POLR1E: variants seen among roughly 807,000 people sequenced by gnomAD.
POLR1E encodes the protein RNA polymerase I subunit E, also known as DNA-directed RNA polymerase I subunit RPA49.
POLR1E carries 37 observed loss-of-function variants against 50.9 expected under a neutral mutation model. That is an observed-to-expected ratio of 0.73 (90% CI 0.56 to 0.96). The LOEUF is 0.96. POLR1E is among the 40% of genes least tolerant of loss of function. The probability of loss-of-function intolerance (pLI) is 0.00; values close to 1 mark genes in which losing one functional copy is unlikely to be tolerated. For missense variants in POLR1E, 426 were observed against 518.1 expected (o/e 0.82, Z 1.73); for synonymous variants, 166 against 191.6 (o/e 0.87, Z 1.10).
In POLR1E at chr9:37,495,972, G is replaced by A. The variant is rs1471079743; in HGVS notation, c.738G>A (p.Met246Ile). 1 of 1,613,548 alleles carries A rather than the reference G, an allele frequency of 6.2e-7. No homozygotes were observed. The change falls in exon 8 of 12, where the codon ATG becomes ATA. Residue 246 changes from methionine to isoleucine, a missense_variant. Coordinates refer to ENST00000377798, the MANE Select transcript of POLR1E (RefSeq NM_022490.4). ...TCACGTCAGAAGAAATACTGAAGAT[G>A]ATTGAGGAGAACAGGTACCCTGACT... ...RNVTSEEILKMIEENSHCTFV... is the reference protein window; with the variant it reads ...RNVTSEEILKIIEENSHCTFV...
chr9:37,500,728 C>A, intron 9 of POLR1E, 112 bp from the exon 10 acceptor site: 2 of 746,220 alleles, frequency 2.7e-6, no homozygotes, highest in South Asian at 1.7e-5. Context: ...CTCTTACCAC[C>A]TGGTTCTGGT....
chr9:37,486,234 C>G, intron 1 of POLR1E, 111 bp downstream of exon 1: 1 of 1,372,072 alleles, frequency 7.3e-7, no homozygotes, highest in Non-Finnish European at 9.7e-7. Context: ...GGGCCGGGAC[C>G]CCTCTAGTCT....
intron 4 of POLR1E, among the ~76,000 whole-genome samples, chr9:37,491,070 C>A (rs1820674507): frequency 6.6e-6 from 1 of 152,232 alleles, no homozygotes; most frequent in Admixed American, 6.5e-5. Flanking sequence ...TGAGGAAGAT[C>A]TATTTTTTTT....
In POLR1E at chr9:37,503,104, G is replaced by A. The variant is rs781439136; in HGVS notation, c.1162G>A (p.Ala388Thr). ...CTCCAAAAGAAGGGTGTCTGTGGCC[G>A]CCGGCAGTGAAGAAGATCACAAGCT... is the stretch of plus-strand genomic sequence containing the variant. ...KISKRRVSVA[A>T]GSEEDHKLGT... is the part of the protein sequence containing the mutation. The change falls in exon 12 of 12, where the codon GCC becomes ACC. Residue 388 changes from alanine to threonine, a missense_variant. By Grantham distance (58) the Ala-to-Thr change is moderately conservative. Transcript: ENST00000377798. 1.7e-5 allele frequency: 27 copies of A among 1,613,816 alleles called. No individual in the cohort carries two copies. The highest frequency in any genetic ancestry group is 6.7e-5 in the East Asian group (3 of 44,894).
Position 37,498,204 on chromosome 9 carries a change from A to T in POLR1E, c.866A>T (p.His289Leu). ...FLDTLIKFRA[H>L]RVVKRKSALG... ...GATACCCTCATCAAATTTCGAGCTC[A>T]TAGGGTAGTTAAGCGGAAAAGTAAG... The change falls in exon 9 of 12, where the codon CAT becomes CTT. Residue 289 changes from histidine (H) to leucine (L), a missense_variant. Physicochemically the swap from His to Leu is moderately conservative, Grantham distance 99. Transcript: ENST00000377798. 1 of 1,613,862 alleles carries T rather than the reference A, an allele frequency of 6.2e-7. No individual in the cohort carries two copies. The highest frequency in any genetic ancestry group is 8.5e-7 in the Non-Finnish European group (1 of 1,179,848).
chr9:37,503,128 CTG>C lies in POLR1E; in HGVS notation c.1187_1188del (p.Leu396ArgfsTer64). ...CGCCGGCAGTGAAGAAGATCACAAG[CTG>C]GGCACCCTGTCCCTCCCGCTGCCTC... ...VAAGSEEDHK[L>X]GTLSLPLPPA... On this transcript the variant is annotated frameshift_variant, in exon 12 of 12. Coordinates refer to ENST00000377798, the MANE Select transcript of POLR1E (RefSeq NM_022490.4). LOFTEE classifies it high-confidence loss of function. 1 of 1,613,892 alleles carries C rather than the reference CTG, an allele frequency of 6.2e-7. No individual in the cohort carries two copies.
rs1820878670 is a variant in POLR1E, at chr9:37,501,009, A to G, written c.968+88A>G. 1.1e-4 allele frequency: 142 copies of G among 1,283,754 alleles called. 1 individual carries two copies. The South Asian group carries it at 1.8e-3, about 16-fold the overall frequency. 79.5% of individuals were successfully genotyped at this position (1,283,754 alleles called of 1,614,324 possible). ...GGAGCAGGGGCTTGGACTCAATTCC[A>G]TGTCCACGGAGATGCAGTGCTGAAA... On this transcript the variant is annotated intron_variant, in intron 10 of 11. Transcript: ENST00000377798.
At chr9:37,492,617 A>G (rs1356073360) in intron 4 of POLR1E, 40 bp from the exon 5 acceptor site, 12 of 1,589,264 alleles carry the variant, frequency 7.6e-6, no homozygotes, top group African/African-American at 1.3e-5. Flanking sequence ...AGGCCTCCCA[A>G]TTGACTTTTC....
chr9:37,488,699 C>T (rs1017072963), intron 3 of POLR1E, among the ~76,000 whole-genome samples: 15 of 152,106 alleles, frequency 9.9e-5, no homozygotes, highest in African/African-American at 3.1e-4. Flanking sequence ...TAGGTTCGTA[C>T]ACCCCAAAAG....
chr9:37,501,627 A>G, intron 10 of POLR1E, 86 bp from the exon 11 acceptor site: 1 of 1,479,908 alleles, frequency 6.8e-7, no homozygotes, highest in Non-Finnish European at 9.2e-7. Context: ...GCATATGAGA[A>G]TAGGATTGGA....
chr9:37,503,148 G>A lies in POLR1E; in HGVS notation c.1206G>A (p.Pro402=), dbSNP rs376240468. ...ACAAGCTGGGCACCCTGTCCCTCCC[G>A]CTGCCTCCAGCCCAGACCTCAGACC... ...EDHKLGTLSL[P]LPPAQTSDRL... is the part of the protein sequence containing the mutation. Residue 402 remains proline, a synonymous_variant, in exon 12 of 12, where the codon CCG becomes CCA. Coordinates refer to ENST00000377798, the MANE Select transcript of POLR1E (RefSeq NM_022490.4). 4.3e-6 allele frequency: 7 copies of A among 1,613,470 alleles called. No homozygotes were observed. The highest frequency in any genetic ancestry group is 2.7e-5 in the African/African-American group (2 of 74,902).
chr9:37,493,257 A>G (rs1820717001), intron 5 of POLR1E, among the ~76,000 whole-genome samples: 1 of 152,172 alleles, frequency 6.6e-6, no homozygotes, highest in African/African-American at 2.4e-5. Flanking sequence ...TTACCATTCT[A>G]CTATTCCTGT....
At chr9:37,491,247 G>A (rs1820678295) in intron 4 of POLR1E, among the ~76,000 whole-genome samples, 1 of 152,094 alleles carries the variant, frequency 6.6e-6, no homozygotes, top group South Asian at 2.1e-4. Flanking sequence ...TAAATACTGG[G>A]AACCATGGCA....
intron 4 of POLR1E, among the ~76,000 whole-genome samples, chr9:37,491,774 C>T (rs1458426359): frequency 3.9e-5 from 6 of 152,070 alleles, no homozygotes; most frequent in East Asian, 1.9e-4. Flanking sequence ...AAATTTTACA[C>T]GTAATTTTAA....
At chr9:37,492,168 C>A in intron 4 of POLR1E, 1 of 961,798 alleles carries the variant, frequency 1.0e-6, no homozygotes. Flanking sequence ...GGCAAGGCCA[C>A]TCCAGAGCTT....
chr9:37,488,728 C>A (rs1887455), intron 3 of POLR1E, among the ~76,000 whole-genome samples: 69,257 of 151,732 alleles, frequency 0.46, 18,007 homozygotes, highest in African/African-American at 0.72. Context: ...ATTACACTAC[C>A]GCAGTGAGCC....
intron 11 of POLR1E, among the ~76,000 whole-genome samples, chr9:37,502,368 C>G (rs951891190): frequency 5.9e-5 from 9 of 152,164 alleles, no homozygotes; most frequent in Admixed American, 6.5e-5. Flanking sequence ...GTTCCAAGGC[C>G]AGGTGGAACT....
At position 37,493,540 on chromosome 9, in the gene POLR1E, A is replaced by C. The variant is rs1385507424; in HGVS notation, c.403-19A>C. 2 of 1,567,036 alleles carry C rather than the reference A, an allele frequency of 1.3e-6. No individual in the cohort carries two copies. The highest frequency in any genetic ancestry group is 1.8e-5 in the Admixed American group (1 of 56,054). ...CCTACCTGTCCTGTCCCCAGTAACC[A>C]GGTTTATCTCATAAACAGATGGATT... On this transcript the variant is annotated intron_variant, in intron 5 of 11. Coordinates refer to ENST00000377798, the MANE Select transcript of POLR1E (RefSeq NM_022490.4).
rs1357864060 is a variant in POLR1E at position 37,492,226 on chromosome 9, GA to G, written c.344-430del. On this transcript the variant is annotated intron_variant, in intron 4 of 11. Coordinates refer to ENST00000377798, the MANE Select transcript of POLR1E (RefSeq NM_022490.4). Reference sequence around the variant, plus strand: ...ACTGCCCTTATTTGAGTACTTTGTAGATGATTGGAGAGCATCGGTAAGTACC... The same window carrying G: ...ACTGCCCTTATTTGAGTACTTTGTAGTGATTGGAGAGCATCGGTAAGTACC... 4.7e-6 allele frequency: 6 copies of G among 1,283,644 alleles called. No individual in the cohort carries two copies. The African/African-American group carries it at 9.1e-5, about 20-fold the overall frequency. 79.5% of individuals were successfully genotyped at this position (1,283,644 alleles called of 1,614,324 possible).
Sources: gnomAD v4.1 joint callset for allele counts (sites outside exome capture counted in the v4.1 genomes callset) on GRCh38, gnomAD v4.1.1 for gene constraint, MANE v1.5 for transcripts, NCBI Gene and HGNC (gene_info 2026-07-23, HGNC 2026-07-21) for gene names.